Variants in PAG1 observed in about 807,000 individuals in gnomAD.
PAG1 encodes phosphoprotein associated with glycosphingolipid-enriched microdomains 1.
Under a neutral mutation model 31.7 loss-of-function variants are expected in PAG1, and 23 were observed. That is an observed-to-expected ratio of 0.73 (90% CI 0.52 to 1.03). The LOEUF is 1.03. Ranked by LOEUF, PAG1 falls within the 50% of genes least tolerant of loss-of-function variation. The probability of loss-of-function intolerance (pLI) is 0.00; values close to 1 mark genes in which losing one functional copy is unlikely to be tolerated. For missense variants in PAG1, 473 were observed against 540.7 expected, an observed-to-expected ratio of 0.87 and a Z score of 1.24; for synonymous variants, 214 against 210.3, an observed-to-expected ratio of 1.02 and a Z score of -0.15.
At chr8:80,979,319 G>A (rs548392487) in intron 8 of PAG1, among the ~76,000 whole-genome samples, 106 of 152,326 alleles carry the variant, frequency 7.0e-4, no homozygotes, top group African/African-American at 2.3e-3. Flanking sequence ...CCAAGGAGCT[G>A]CCAGGGATCA....
intron 8 of PAG1, among the ~76,000 whole-genome samples, chr8:80,980,153 TTC>T (rs965714257): frequency 1.1e-4 from 17 of 152,336 alleles, no homozygotes; most frequent in African/African-American, 3.6e-4. Context: ...AATTTTTCTC[TTC>T]TCACTCTTCT....
Position 80,968,894 on chromosome 8 carries a change from T to C in PAG1, c.*7650A>G, listed in dbSNP as rs1321092849. 6.6e-6 allele frequency: 1 copy of C among 152,204 alleles called. No homozygotes were observed. Among genetic ancestry groups the C allele is most frequent in the Non-Finnish European group, 1.5e-5 (1 of 68,054 alleles). 9.4% of individuals were successfully genotyped at this position (152,204 alleles called of 1,614,324 possible). A position where few individuals can be genotyped will look rare whatever the true frequency, so the allele number is the denominator to read the frequency against. Reference sequence around the variant, plus strand: ...GGCCAACACATTTCTCAGAGAGACATGAGAACTGAGACACACAGGGGCAGC... The same window carrying C: ...GGCCAACACATTTCTCAGAGAGACACGAGAACTGAGACACACAGGGGCAGC... On this transcript the variant is annotated 3_prime_UTR_variant, in exon 9 of 9. Coordinates refer to ENST00000220597, the MANE Select transcript of PAG1 (RefSeq NM_018440.4).
intron 4 of PAG1, among the ~76,000 whole-genome samples, chr8:80,992,815 T>C (rs937355026): frequency 9.2e-5 from 14 of 152,212 alleles, no homozygotes; most frequent in African/African-American, 3.4e-4. Context: ...AAAATCCATT[T>C]TGACAAGGGT....
chr8:80,990,978 CA>C lies in PAG1; in HGVS notation c.177+500del, dbSNP rs33943144. Among the ~76,000 whole-genome samples, 21,810 of 152,010 alleles carry C rather than the reference CA, an allele frequency of 0.14. 2,058 individuals carry two copies. Among genetic ancestry groups the C allele is most frequent in the African/African-American group, 0.27 (10,975 of 41,384 alleles). On this transcript the variant is annotated intron_variant, in intron 5 of 8. Coordinates refer to ENST00000220597, the MANE Select transcript of PAG1 (RefSeq NM_018440.4). The surrounding 1 kb of genome is among the most constrained non-coding windows in gnomAD (Gnocchi z 5.1). ...TAAAATGGGGAAACTTGGACACAGC[CA>C]GCCATACATAGATGGGAGGTGATGT...
intron 3 of PAG1, among the ~76,000 whole-genome samples, chr8:80,999,450 C>T (rs763993616): frequency 1.1e-4 from 17 of 152,210 alleles, no homozygotes; most frequent in Non-Finnish European, 2.2e-4. Context: ...CTTGACATCT[C>T]TTTCTGCAGC....
At chr8:81,068,867 G>C (rs1199610441) in intron 2 of PAG1, among the ~76,000 whole-genome samples, 2 of 152,170 alleles carry the variant, frequency 1.3e-5, no homozygotes, top group African/African-American at 4.8e-5. Context: ...AAAGTATATA[G>C]ATTCTTGAGT....
intron 2 of PAG1, among the ~76,000 whole-genome samples, chr8:81,055,852 T>C (rs922453642): frequency 2.0e-5 from 3 of 152,224 alleles, no homozygotes; most frequent in Admixed American, 6.5e-5. Context: ...TAAAGGAGAT[T>C]TTGGGCTGAG....
intron 1 of PAG1, among the ~76,000 whole-genome samples, chr8:81,083,471 G>A (rs937278816): frequency 6.6e-6 from 1 of 152,022 alleles, no homozygotes; most frequent in African/African-American, 2.4e-5. Context: ...GAGGGCTGGG[G>A]TGCCTTGGGA....
rs1474995730 is a variant in PAG1 at position 81,030,063 on chromosome 8, GGTGA to G, written c.-152_-149del. Reference sequence around the variant, plus strand: ...CAATGTATTCCCTTTGAAATGTTGTGGTGAGAGTTCTCTCTTCTTTCTTGGCCTA... The same window carrying G: ...CAATGTATTCCCTTTGAAATGTTGTGGAGTTCTCTCTTCTTTCTTGGCCTA... On this transcript the variant is annotated 5_prime_UTR_variant, in exon 3 of 9. Transcript: ENST00000220597. The G allele has an allele frequency of 1.3e-5, 2 of 152,212 alleles. No individual in the cohort carries two copies. Among genetic ancestry groups the G allele is most frequent in the African/African-American group, 2.4e-5 (1 of 41,432 alleles). 9.4% of individuals were successfully genotyped at this position (152,212 alleles called of 1,614,324 possible).
chr8:81,018,532 G>C (rs1490815693), intron 3 of PAG1, among the ~76,000 whole-genome samples: 2 of 152,184 alleles, frequency 1.3e-5, no homozygotes, highest in African/African-American at 4.8e-5. Context: ...GGACCCAATG[G>C]GAGGTGATTG....
chr8:80,973,530 C>T lies in PAG1; in HGVS notation c.*3014G>A, dbSNP rs973455104. On this transcript the variant is annotated 3_prime_UTR_variant, in exon 9 of 9. Coordinates refer to ENST00000220597, the MANE Select transcript of PAG1 (RefSeq NM_018440.4). ...TTTTAACTGAGATAGATTTATAATT[C>T]TTACTTACAAGATAAAAAAATTTCC... 3 of 152,094 alleles carry T rather than the reference C, an allele frequency of 2.0e-5. No homozygotes were observed. Among genetic ancestry groups the T allele is most frequent in the African/African-American group, 4.8e-5 (2 of 41,414 alleles). 9.4% of individuals were successfully genotyped at this position (152,094 alleles called of 1,614,324 possible).
At chr8:81,108,551 ACTGTGAGC>A (rs560310219) in intron 1 of PAG1, among the ~76,000 whole-genome samples, 32,916 of 152,018 alleles carry the variant, frequency 0.22, 4,172 homozygotes, top group Non-Finnish European at 0.28. Context: ...ATTAAATCAG[ACTGTGAGC>A]AGTCTGTGGT....
At chr8:81,101,560 G>A (rs572313272) in intron 1 of PAG1, among the ~76,000 whole-genome samples, 2 of 152,264 alleles carry the variant, frequency 1.3e-5, no homozygotes, top group East Asian at 1.9e-4. Flanking sequence ...ACAGTTACGT[G>A]TTAATTCCTA....
intron 1 of PAG1, among the ~76,000 whole-genome samples, chr8:81,087,258 G>A (rs144488859): frequency 0.032 from 4,823 of 150,534 alleles, 269 homozygotes; most frequent in African/African-American, 0.11. Flanking sequence ...CAGGAGAATC[G>A]CTTGAACCCA....
intron 2 of PAG1, among the ~76,000 whole-genome samples, chr8:81,052,016 G>C (rs574574574): frequency 6.6e-6 from 1 of 151,756 alleles, no homozygotes; most frequent in East Asian, 1.9e-4. Flanking sequence ...TGTAGTCCCA[G>C]CTACTCGGGA....
intron 2 of PAG1, among the ~76,000 whole-genome samples, chr8:81,042,039 T>A (rs1175762524): frequency 6.6e-6 from 1 of 152,184 alleles, no homozygotes; most frequent in Non-Finnish European, 1.5e-5. Flanking sequence ...GCTTTATAAA[T>A]AAATGACATA....
chr8:81,044,410 G>A (rs958170374), intron 2 of PAG1, among the ~76,000 whole-genome samples: 2 of 152,166 alleles, frequency 1.3e-5, no homozygotes, highest in African/African-American at 4.8e-5. Context: ...GCCATCTGAA[G>A]CCATAGGCAA....
chr8:80,983,306 C>G (rs1291747769), intron 7 of PAG1, among the ~76,000 whole-genome samples: 1 of 152,156 alleles, frequency 6.6e-6, no homozygotes, highest in Admixed American at 6.5e-5. Context: ...ACCACTCTAT[C>G]CAAAACTGTA....
At chr8:81,037,505 C>T (rs917072859) in intron 2 of PAG1, among the ~76,000 whole-genome samples, 3 of 152,176 alleles carry the variant, frequency 2.0e-5, no homozygotes, top group Non-Finnish European at 2.9e-5. Flanking sequence ...GAAAAGAAAT[C>T]TTTCTTGTTG....
Sources: gnomAD v4.1 joint callset for allele counts (sites outside exome capture counted in the v4.1 genomes callset) on GRCh38, gnomAD v4.1.1 for gene constraint, Gnocchi (gnomAD v3.1) non-coding constraint, MANE v1.5 for transcripts, NCBI Gene and HGNC (gene_info 2026-07-23, HGNC 2026-07-21) for gene names.